UBE2E2: variants seen among roughly 807,000 people sequenced by gnomAD.
UBE2E2 encodes ubiquitin-conjugating enzyme E2 E2.
A neutral mutation model predicts 24.7 loss-of-function variants in UBE2E2; 6 were observed. The observed-to-expected ratio is 0.24, with a 90% CI of 0.13 to 0.48. The LOEUF (loss-of-function observed/expected upper bound fraction) is 0.48, where lower values mean the gene tolerates loss of function less well. UBE2E2 is among the 20% of genes least tolerant of loss of function. UBE2E2 has a pLI of 0.99. For synonymous variants in UBE2E2, 104 were observed against 83.6 expected (o/e 1.24, Z -1.33); for missense variants, 169 against 245.0 (o/e 0.69, Z 2.07).
chr3:23,349,858 G>T (rs1026728639), intron 3 of UBE2E2, among the ~76,000 whole-genome samples: 2 of 152,238 alleles, frequency 1.3e-5, no homozygotes, highest in South Asian at 2.1e-4. Flanking sequence ...AAATGTCCCT[G>T]TCTGACAGCT....
At chr3:23,355,497 A>C (rs932049182) in intron 3 of UBE2E2, among the ~76,000 whole-genome samples, 7 of 152,234 alleles carry the variant, frequency 4.6e-5, no homozygotes, top group Admixed American at 2.6e-4. Flanking sequence ...GCCAAAGCAA[A>C]GTGTTTTAAA....
Position 23,583,909 on chromosome 3 carries a change from C to A in UBE2E2, c.509-5825C>A, listed in dbSNP as rs2125520509. Among the ~76,000 whole-genome samples, 1 of 152,294 alleles carries A rather than the reference C, an allele frequency of 6.6e-6. No individual in the cohort carries two copies. Among genetic ancestry groups the A allele is most frequent in the African/African-American group, 2.4e-5 (1 of 41,548 alleles). ...CTTCCTATTCGAATGCATTTTATTT[C>A]TTTCTCTTGCCTGATTGCTCTGGCT... On this transcript the variant is annotated intron_variant, in intron 5 of 5. Transcript: ENST00000396703. The surrounding 1 kb of genome is among the most constrained non-coding windows in gnomAD (Gnocchi z 4.1).
rs555997316 is a variant in UBE2E2, at chr3:23,523,043, T to TA, written c.361-9504dup. 2.2e-4 allele frequency among the ~76,000 whole-genome samples: 33 copies of TA among 151,780 alleles called. 1 individual carries two copies. In the South Asian group the frequency reaches 6.9e-3, roughly 32 times the overall value. On this transcript the variant is annotated intron_variant, in intron 4 of 5. Transcript: ENST00000396703. ...AAGAGACAAAATAATTGTGTAAAGA[T>TA]AAAAAAATGAAATATGAAATATAAT...
intron 3 of UBE2E2, among the ~76,000 whole-genome samples, chr3:23,345,952 G>A (rs529833371): frequency 1.3e-5 from 2 of 152,052 alleles, no homozygotes; most frequent in Non-Finnish European, 2.9e-5. Context: ...TCTCACCAAC[G>A]GCAGACAGCA....
At chr3:23,209,763 T>A (rs955708235) in intron 2 of UBE2E2, among the ~76,000 whole-genome samples, 4 of 152,190 alleles carry the variant, frequency 2.6e-5, no homozygotes, top group African/African-American at 9.7e-5. Flanking sequence ...GACCTTGTTT[T>A]CCTTTGGCTT....
intron 5 of UBE2E2, among the ~76,000 whole-genome samples, chr3:23,558,433 T>C (rs1394523494): frequency 6.6e-6 from 1 of 152,204 alleles, no homozygotes; most frequent in Non-Finnish European, 1.5e-5. Context: ...TACAGCTTGA[T>C]GCCCGAGTCT....
rs572087094 is a variant in UBE2E2 at position 23,515,190 on chromosome 3, TAG to T, written c.360+15460_360+15461del. 4.2e-3 allele frequency among the ~76,000 whole-genome samples: 644 copies of T among 151,608 alleles called. 3 individuals carry two copies. The highest frequency in any genetic ancestry group is 0.013 in the African/African-American group (533 of 41,284). Reference sequence around the variant, plus strand: ...AGAGAGAGAGATACATACATATGTATAGAGAGAGAGATAAAGCAGATTTAGCA... The same window carrying T: ...AGAGAGAGAGATACATACATATGTATAGAGAGAGATAAAGCAGATTTAGCA... On this transcript the variant is annotated intron_variant, in intron 4 of 5. Coordinates refer to ENST00000396703, the MANE Select transcript of UBE2E2 (RefSeq NM_152653.4).
intron 3 of UBE2E2, among the ~76,000 whole-genome samples, chr3:23,480,058 C>G (rs1699224686): frequency 6.6e-6 from 1 of 152,202 alleles, no homozygotes; most frequent in Non-Finnish European, 1.5e-5. Context: ...CCTGCCCCTT[C>G]CCGCCTAGGA....
intron 3 of UBE2E2, among the ~76,000 whole-genome samples, chr3:23,322,515 T>C (rs1205153560): frequency 6.6e-6 from 1 of 152,172 alleles, no homozygotes; most frequent in Non-Finnish European, 1.5e-5. Context: ...AATTATTTTC[T>C]GTAAAGCTTC....
chr3:23,358,240 A>T (rs774725186), intron 3 of UBE2E2, among the ~76,000 whole-genome samples: 1 of 152,228 alleles, frequency 6.6e-6, no homozygotes, highest in Non-Finnish European at 1.5e-5. Context: ...TGAATTAGCT[A>T]TGTTGAATGA....
intron 3 of UBE2E2, among the ~76,000 whole-genome samples, chr3:23,364,213 A>G (rs1361557734): frequency 1.3e-5 from 2 of 152,178 alleles, no homozygotes; most frequent in African/African-American, 4.8e-5. Flanking sequence ...TCACACCCAG[A>G]GGAACCAGAG....
chr3:23,276,184 A>G (rs1011752638), intron 3 of UBE2E2, among the ~76,000 whole-genome samples: 1 of 152,128 alleles, frequency 6.6e-6, no homozygotes, highest in African/African-American at 2.4e-5. Flanking sequence ...CATTTCCTTC[A>G]GACAGCTCCT....
chr3:23,586,022 C>G (rs1485732560), intron 5 of UBE2E2, among the ~76,000 whole-genome samples: 1 of 151,936 alleles, frequency 6.6e-6, no homozygotes, highest in African/African-American at 2.4e-5. Flanking sequence ...AAAAGTCCTC[C>G]CTTAATTAAG....
At chr3:23,432,908 C>G (rs1698095758) in intron 3 of UBE2E2, among the ~76,000 whole-genome samples, 1 of 151,604 alleles carries the variant, frequency 6.6e-6, no homozygotes, top group African/African-American at 2.4e-5. Context: ...ATGTGTGGTT[C>G]TATAAGAATA....
intron 3 of UBE2E2, among the ~76,000 whole-genome samples, chr3:23,316,650 A>G (rs1458028453): frequency 6.6e-6 from 1 of 151,042 alleles, no homozygotes; most frequent in Admixed American, 6.6e-5. Flanking sequence ...TCTTTCTTCT[A>G]CTTTTCTCAA....
At chr3:23,518,073 G>C (rs1465385425) in intron 4 of UBE2E2, among the ~76,000 whole-genome samples, 1 of 151,702 alleles carries the variant, frequency 6.6e-6, no homozygotes, top group South Asian at 2.1e-4. Context: ...TTTCTACACA[G>C]CTTTAAGGAA....
intron 3 of UBE2E2, among the ~76,000 whole-genome samples, chr3:23,363,103 G>T (rs1220073110): frequency 6.6e-6 from 1 of 152,232 alleles, no homozygotes; most frequent in Non-Finnish European, 1.5e-5. Flanking sequence ...AATGCTAAGA[G>T]TATTTGTTAC....
chr3:23,391,120 A>G (rs1696923629), intron 3 of UBE2E2, among the ~76,000 whole-genome samples: 1 of 152,222 alleles, frequency 6.6e-6, no homozygotes. Context: ...TGCAGATGAT[A>G]AATCTGAATC....
chr3:23,228,865 C>G (rs975322692), intron 3 of UBE2E2, among the ~76,000 whole-genome samples: 14 of 152,152 alleles, frequency 9.2e-5, no homozygotes, highest in Non-Finnish European at 1.5e-5. Flanking sequence ...AGCAGGTAGA[C>G]TCTCTCCACA....
Sources: gnomAD v4.1 joint callset for allele counts (sites outside exome capture counted in the v4.1 genomes callset) on GRCh38, gnomAD v4.1.1 for gene constraint, Gnocchi (gnomAD v3.1) non-coding constraint, MANE v1.5 for transcripts, NCBI Gene and HGNC (gene_info 2026-07-23, HGNC 2026-07-21) for gene names.